Variants in RPGRIP1 observed in about 807,000 individuals in gnomAD.
The protein encoded by RPGRIP1 is X-linked retinitis pigmentosa GTPase regulator-interacting protein 1.
RPGRIP1 carries 128 observed loss-of-function variants against 157.9 expected under a neutral mutation model. The ratio of observed to expected loss-of-function variants is 0.81; its 90% CI spans 0.70 to 0.94. The LOEUF is 0.94. RPGRIP1 is among the 40% of genes least tolerant of loss of function. The probability of loss-of-function intolerance (pLI) is 0.00; values close to 1 mark genes in which losing one functional copy is unlikely to be tolerated. For synonymous variants in RPGRIP1, 554 were observed against 571.6 expected, an observed-to-expected ratio of 0.97 and a Z score of 0.44; for missense variants, 1,486 against 1,545.8, an observed-to-expected ratio of 0.96 and a Z score of 0.65.
intron 4 of RPGRIP1, 51 bp downstream of exon 4, chr14:21,301,288 G>T: frequency 2.0e-6 from 3 of 1,528,136 alleles, no homozygotes; most frequent in Non-Finnish European, 2.6e-6. Flanking sequence ...GGGAAGGACT[G>T]ATGTGCCAGC....
chr14:21,351,040 C>A, intron 24 of RPGRIP1, 64 bp from the exon 25 acceptor site: 2 of 892,212 alleles, frequency 2.2e-6, no homozygotes, highest in Non-Finnish European at 3.5e-6. Flanking sequence ...AGTACCTAAC[C>A]TGACAAATAC....
intron 12 of RPGRIP1, among the ~76,000 whole-genome samples, chr14:21,320,465 G>C (rs1389313194): frequency 3.3e-5 from 5 of 151,670 alleles, no homozygotes; most frequent in African/African-American, 1.2e-4. Context: ...TAATTTTTTT[G>C]TATTTTTAGT....
intron 5 of RPGRIP1, chr14:21,303,054 G>A (rs903449561): frequency 3.2e-6 from 1 of 310,108 alleles, no homozygotes; most frequent in Non-Finnish European, 6.1e-6. Context: ...ATTTTTAGTG[G>A]ACACAGGGTT....
At position 21,324,987 on chromosome 14, in the gene RPGRIP1, A is replaced by G. The variant is rs1232275939; in HGVS notation, c.2132A>G (p.His711Arg). Residue 711 changes from histidine (H) to arginine (R), a missense_variant, in exon 15 of 25, where the codon CAC becomes CGC. Physicochemically the swap from His to Arg is conservative, Grantham distance 29. Coordinates refer to ENST00000400017, the MANE Select transcript of RPGRIP1 (RefSeq NM_020366.4). ...LDIHQAMASE[H>R]STLAAGWICF... The stretch of plus-strand genomic sequence containing the variant: ...ATACACCAGGCCATGGCCAGTGAAC[A>G]CAGCACTCTTGCTGCAGGATGGATT... The G allele has an allele frequency of 6.2e-7, 1 of 1,613,924 alleles. No homozygotes were observed. Among genetic ancestry groups the G allele is most frequent in the African/African-American group, 1.3e-5 (1 of 74,940 alleles).
At chr14:21,349,543 C>T (rs1211487858) in intron 24 of RPGRIP1, among the ~76,000 whole-genome samples, 1 of 151,750 alleles carries the variant, frequency 6.6e-6, no homozygotes, top group African/African-American at 2.4e-5. Context: ...GCTGGGATTA[C>T]AGGCATGAAC....
intron 6 of RPGRIP1, 83 bp downstream of exon 6, chr14:21,303,626 A>G: frequency 9.9e-7 from 1 of 1,006,510 alleles, no homozygotes. Flanking sequence ...CCTCCATCTC[A>G]GAGGAAAAGA....
intron 1 of RPGRIP1, among the ~76,000 whole-genome samples, chr14:21,285,923 G>T (rs534948265): frequency 3.7e-4 from 57 of 152,052 alleles, no homozygotes; most frequent in African/African-American, 1.3e-3. Context: ...TAAAAAATGT[G>T]GTAGTTGAGG....
chr14:21,312,592 A>G (rs2139176482), intron 10 of RPGRIP1, 86 bp downstream of exon 10: 1 of 733,280 alleles, frequency 1.4e-6, no homozygotes, highest in Admixed American at 2.8e-5. Context: ...ATTAATAAAT[A>G]TATGGGGAAA....
rs3748357 is a variant in RPGRIP1, at chr14:21,317,631, G to A, written c.1152-65G>A. 0.4 allele frequency: 619,206 copies of A among 1,552,066 alleles called. 126,372 individuals carry two copies. Among genetic ancestry groups the A allele is most frequent in the Middle Eastern group, 0.43 (2,582 of 5,942 alleles). ...CTAGGTCCAGGAGATGCTGAAACTG[G>A]ATAATAAAGACGTCATATCACACCC... is the stretch of plus-strand genomic sequence containing the variant. On this transcript the variant is annotated intron_variant, in intron 10 of 24. Transcript: ENST00000400017.
intron 2 of RPGRIP1, among the ~76,000 whole-genome samples, chr14:21,291,605 G>C (rs2139138581): frequency 6.6e-6 from 1 of 150,410 alleles, no homozygotes; most frequent in Admixed American, 6.6e-5. Flanking sequence ...TTTTGAGACA[G>C]GGTCTTGTTC....
chr14:21,345,110 C>T lies in RPGRIP1; in HGVS notation c.3533-3C>T. 6.2e-7 allele frequency: 1 copy of T among 1,604,808 alleles called. No individual in the cohort carries two copies. The highest frequency in any genetic ancestry group is 2.2e-5 in the East Asian group (1 of 44,816). ...TTGCTTTTTTCTCTTACCCTTAATA[C>T]AGTAATAGACCTGGACCCACAGGAG... On this transcript the variant is annotated splice_polypyrimidine_tract_variant and splice_region_variant and intron_variant, in intron 22 of 24. Transcript: ENST00000400017.
intron 2 of RPGRIP1, among the ~76,000 whole-genome samples, chr14:21,288,766 G>A (rs752147331): frequency 4.0e-5 from 6 of 151,886 alleles, no homozygotes; most frequent in African/African-American, 7.3e-5. Flanking sequence ...CGCCTGCCTC[G>A]GTCTCCCAAC....
At chr14:21,300,017 C>T (rs1291762264) in intron 3 of RPGRIP1, among the ~76,000 whole-genome samples, 1 of 152,196 alleles carries the variant, frequency 6.6e-6, no homozygotes. Context: ...CTCCAAAGGC[C>T]GGGCGCGGTG....
At chr14:21,296,318 C>T (rs1281849138) in intron 3 of RPGRIP1, among the ~76,000 whole-genome samples, 1 of 151,630 alleles carries the variant, frequency 6.6e-6, no homozygotes, top group Non-Finnish European at 1.5e-5. Flanking sequence ...CAGCCTGCCT[C>T]GGCCTCCCAA....
Position 21,326,066 on chromosome 14 carries a change from A to T in RPGRIP1, c.2603A>T (p.Glu868Val), listed in dbSNP as rs1222586521. The T allele has an allele frequency of 6.2e-7, 1 of 1,613,904 alleles. No individual in the cohort carries two copies. Among genetic ancestry groups the T allele is most frequent in the South Asian group, 1.1e-5 (1 of 91,070 alleles). The change falls in exon 17 of 25, where the codon GAG becomes GTG. Residue 868 changes from glutamate (E) to valine (V), a missense_variant. Physicochemically the swap from Glu to Val is moderately radical, Grantham distance 121 (BLOSUM62 -2). Transcript: ENST00000400017. ...GACCTGGACCATTATCTGAGACGGG[A>T]GGCCTTGTCTATACATGTTTTTGAT... ...TSDLDHYLRR[E>V]ALSIHVFDDE...
At position 21,350,873 on chromosome 14, in the gene RPGRIP1, C is replaced by CA. The variant is rs543759393; in HGVS notation, c.3749-229dup. ...TGGTGATTTCTCCAGAAATCCTTTC[C>CA]AATTTGTCCATTCTGGTGCAGATGC... On this transcript the variant is annotated intron_variant, in intron 24 of 24. Transcript: ENST00000400017. 2.0e-3 allele frequency among the ~76,000 whole-genome samples: 306 copies of CA among 152,232 alleles called. 1 individual carries two copies. Among genetic ancestry groups the CA allele is most frequent in the African/African-American group, 6.7e-3 (280 of 41,516 alleles).
intron 10 of RPGRIP1, 60 bp downstream of exon 10, chr14:21,312,566 A>G: frequency 9.6e-7 from 1 of 1,038,776 alleles, no homozygotes; most frequent in Middle Eastern, 2.0e-4. Flanking sequence ...TAGAAAGTTC[A>G]TTCCTAATAC....
intron 5 of RPGRIP1, 23 bp downstream of exon 5, chr14:21,302,607 ATGT>A: frequency 7.3e-7 from 1 of 1,372,014 alleles, no homozygotes; most frequent in African/African-American, 1.4e-5. Flanking sequence ...CATTTATCCC[ATGT>A]TGTTATTCCT....
chr14:21,321,637 TTC>T, intron 13 of RPGRIP1: 1 of 1,007,390 alleles, frequency 9.9e-7, no homozygotes, highest in Non-Finnish European at 1.4e-6. Flanking sequence ...AGCGTAAGGC[TTC>T]TGGGTTCAAA....
Sources: allele counts gnomAD v4.1 joint callset (sites outside exome capture counted in the v4.1 genomes callset), GRCh38; gene constraint gnomAD v4.1.1; transcripts MANE v1.5; gene names NCBI Gene and HGNC (gene_info 2026-07-23, HGNC 2026-07-21).